SHC4: variants seen among roughly 807,000 people sequenced by gnomAD.
SHC4 encodes the protein SHC-transforming protein 4.
Under a neutral mutation model 69.4 loss-of-function variants are expected in SHC4, and 41 were observed. That is an observed-to-expected ratio of 0.59 (90% CI 0.46 to 0.77). The LOEUF is 0.77. Among genes scored for constraint, SHC4 ranks in the 30% least tolerant of loss-of-function variants. The pLI is 0.00. For missense variants in SHC4, 777 were observed against 783.8 expected, an observed-to-expected ratio of 0.99 and a Z score of 0.10; for synonymous variants, 318 against 299.3, an observed-to-expected ratio of 1.06 and a Z score of -0.64.
intron 1 of SHC4, among the ~76,000 whole-genome samples, chr15:48,929,739 C>G (rs1900921888): frequency 1.3e-5 from 2 of 152,168 alleles, no homozygotes; most frequent in Non-Finnish European, 2.9e-5. Flanking sequence ...CCCTAATTCC[C>G]CACCCTGTGG....
chr15:48,941,584 C>A (rs2141033967), intron 1 of SHC4, among the ~76,000 whole-genome samples: 1 of 152,048 alleles, frequency 6.6e-6, no homozygotes, highest in East Asian at 1.9e-4. Flanking sequence ...AGATCACAGT[C>A]CCTGGGGAGG....
At chr15:48,873,372 T>C (rs1899727465) in intron 4 of SHC4, among the ~76,000 whole-genome samples, 1 of 152,260 alleles carries the variant, frequency 6.6e-6, no homozygotes, top group Non-Finnish European at 1.5e-5. Context: ...ATTACGGACT[T>C]ATTATCTGTG....
At chr15:48,961,299 T>TC (rs1901541892) in intron 1 of SHC4, among the ~76,000 whole-genome samples, 1 of 152,214 alleles carries the variant, frequency 6.6e-6, no homozygotes, top group South Asian at 2.1e-4. Flanking sequence ...ATTTACAATC[T>TC]CCTCATTTGG....
At chr15:48,910,517 A>C (rs995990703) in intron 2 of SHC4, among the ~76,000 whole-genome samples, 1 of 151,512 alleles carries the variant, frequency 6.6e-6, no homozygotes, top group Non-Finnish European at 1.5e-5. Context: ...CTTTTTGTTC[A>C]TTTATCTTTT....
intron 9 of SHC4, among the ~76,000 whole-genome samples, chr15:48,844,321 A>G (rs1899048336): frequency 6.6e-6 from 1 of 152,160 alleles, no homozygotes; most frequent in Non-Finnish European, 1.5e-5. Context: ...TATTTCTCAG[A>G]GGTTTCACAC....
chr15:48,886,493 C>T (rs959343328), intron 3 of SHC4, among the ~76,000 whole-genome samples: 2 of 151,944 alleles, frequency 1.3e-5, no homozygotes, highest in African/African-American at 4.8e-5. Context: ...GAAAAAGGAG[C>T]GGAAAGCACA....
rs1056838803 is a variant in SHC4, at chr15:48,878,662, C to A, written c.840+5586G>T. 10 of 1,613,884 alleles carry A rather than the reference C, an allele frequency of 6.2e-6. No homozygotes were observed. The East Asian group carries it at 2.2e-4, about 36-fold the overall frequency. On this transcript the variant is annotated intron_variant, in intron 4 of 11. Transcript: ENST00000332408. ...CCCCGTTTGATCAGTTAGCTTTTAT[C>A]GAAGAGCTTTTTTCACTGATGGTTG...
chr15:48,905,573 C>T (rs1900393015), intron 2 of SHC4, among the ~76,000 whole-genome samples: 1 of 152,152 alleles, frequency 6.6e-6, no homozygotes, highest in African/African-American at 2.4e-5. Context: ...AAAAAGGGGC[C>T]ACCAAAGAGA....
intron 1 of SHC4, among the ~76,000 whole-genome samples, chr15:48,928,249 G>A (rs1470748879): frequency 6.6e-6 from 1 of 152,122 alleles, no homozygotes; most frequent in African/African-American, 2.4e-5. Context: ...ATTTTGGAGT[G>A]GCAACACACA....
chr15:48,904,298 A>T (rs1900366695), intron 2 of SHC4, among the ~76,000 whole-genome samples: 1 of 152,232 alleles, frequency 6.6e-6, no homozygotes, highest in South Asian at 2.1e-4. Context: ...TCTAAGTCTC[A>T]ATATTCTTAT....
intron 11 of SHC4, among the ~76,000 whole-genome samples, chr15:48,833,234 G>A (rs1343042918): frequency 2.0e-5 from 3 of 152,060 alleles, no homozygotes; most frequent in African/African-American, 7.2e-5. Flanking sequence ...AACCTTCTGT[G>A]GGGGGACGTG....
chr15:48,912,545 C>T (rs774845139), intron 2 of SHC4, among the ~76,000 whole-genome samples: 1 of 152,200 alleles, frequency 6.6e-6, no homozygotes, highest in Non-Finnish European at 1.5e-5. Flanking sequence ...TCTCTGGTCC[C>T]TCCCTGATTA....
intron 2 of SHC4, among the ~76,000 whole-genome samples, chr15:48,904,907 GAC>G (rs1900379875): frequency 7.0e-6 from 1 of 141,936 alleles, no homozygotes; most frequent in African/African-American, 2.7e-5. Flanking sequence ...CTCTAAACAC[GAC>G]ACACACGCAC....
chr15:48,909,914 A>T (rs1900476553), intron 2 of SHC4, among the ~76,000 whole-genome samples: 1 of 152,158 alleles, frequency 6.6e-6, no homozygotes, highest in African/African-American at 2.4e-5. Context: ...CCACTTGATC[A>T]TGGTGGATTA....
At chr15:48,923,545 A>G (rs1237486531) in intron 2 of SHC4, among the ~76,000 whole-genome samples, 1 of 9,058 alleles carries the variant, frequency 1.1e-4, no homozygotes, top group Non-Finnish European at 3.0e-4. Flanking sequence ...ACTCTGTCTC[A>G]AAAAAAAAAA....
In SHC4 at chr15:48,962,596, G is replaced by A; in HGVS notation, c.420C>T (p.Ser140=). ...PSSPETSLSR[S]GTAPPPQQDL... is the part of the protein sequence containing the mutation. ...CCTGCTGCGGTGGAGGTGCAGTCCCGGACCTACTTAAACTGGTTTCTGGGG... is the reference window on the plus strand; with the variant it reads ...CCTGCTGCGGTGGAGGTGCAGTCCCAGACCTACTTAAACTGGTTTCTGGGG... The change falls in exon 1 of 12, where the codon TCC becomes TCT. Residue 140 remains serine (S), a synonymous_variant. Coordinates refer to ENST00000332408, the MANE Select transcript of SHC4 (RefSeq NM_203349.4). 1.9e-6 allele frequency: 3 copies of A among 1,613,764 alleles called. No homozygotes were observed. Among genetic ancestry groups the A allele is most frequent in the African/African-American group, 1.3e-5 (1 of 75,030 alleles).
rs768578015 is a variant in SHC4, at chr15:48,843,530, C to T, written c.1362G>A (p.Thr454=). 25 of 1,614,034 alleles carry T rather than the reference C, an allele frequency of 1.5e-5. No homozygotes were observed. The Admixed American group carries it at 2.7e-4, about 17-fold the overall frequency. The change falls in exon 10 of 12, where the codon ACG becomes ACA. Residue 454 remains threonine, a synonymous_variant. Transcript: ENST00000332408. ...GGTCATCAAAGAGATCCACTCGGCA[C>T]GTGTGCTTCAATAATGAGGTATCTC... ...SQRDTSLLKH[T]CRVDLFDDPC...
chr15:48,828,721 C>G (rs1898739949), intron 11 of SHC4, among the ~76,000 whole-genome samples: 1 of 152,076 alleles, frequency 6.6e-6, no homozygotes, highest in Non-Finnish European at 1.5e-5. Flanking sequence ...GAGGTATTAT[C>G]TCACTGTGGT....
intron 6 of SHC4, among the ~76,000 whole-genome samples, chr15:48,860,395 T>C (rs1899419055): frequency 6.6e-6 from 1 of 152,016 alleles, no homozygotes; most frequent in Admixed American, 6.6e-5. Context: ...TAATCCCAGT[T>C]ACTTGGGAGG....
Sources: gnomAD v4.1 joint callset for allele counts (sites outside exome capture counted in the v4.1 genomes callset) on GRCh38, gnomAD v4.1.1 for gene constraint, MANE v1.5 for transcripts, NCBI Gene and HGNC (gene_info 2026-07-23, HGNC 2026-07-21) for gene names.